SEMA5A: variants seen among roughly 807,000 people sequenced by gnomAD.
SEMA5A encodes the protein semaphorin 5A.
In SEMA5A, 55 loss-of-function variants were observed where a neutral mutation model predicts 135.5. The ratio of observed to expected loss-of-function variants is 0.41; its 90% CI spans 0.33 to 0.51. SEMA5A has a LOEUF of 0.51. SEMA5A is among the 20% of genes least tolerant of loss of function. SEMA5A has a pLI of 0.37. For synonymous variants in SEMA5A, 580 were observed against 546.5 expected (o/e 1.06, Z -0.85); for missense variants, 1,290 against 1,419.9 (o/e 0.91, Z 1.47).
intron 16 of SEMA5A, among the ~76,000 whole-genome samples, chr5:9,077,452 C>T (rs557801590): frequency 6.6e-6 from 1 of 152,248 alleles, no homozygotes; most frequent in African/African-American, 2.4e-5. Context: ...GCAATAGAAA[C>T]GTTTTGAAAA....
At chr5:9,111,514 A>C (rs1299872890) in intron 15 of SEMA5A, among the ~76,000 whole-genome samples, 2 of 152,188 alleles carry the variant, frequency 1.3e-5, no homozygotes, top group African/African-American at 4.8e-5. Flanking sequence ...CCGTGCATGG[A>C]ACTTTCAGCC....
At chr5:9,324,389 A>G (rs1380026187) in intron 4 of SEMA5A, among the ~76,000 whole-genome samples, 2 of 152,222 alleles carry the variant, frequency 1.3e-5, no homozygotes, top group African/African-American at 2.4e-5. Context: ...TTAAAAGGTG[A>G]ACCATAAGTA....
At chr5:9,183,217 CAGAA>C (rs1180526922) in intron 11 of SEMA5A, among the ~76,000 whole-genome samples, 1 of 152,126 alleles carries the variant, frequency 6.6e-6, no homozygotes, top group East Asian at 1.9e-4. Context: ...TATGATGAAA[CAGAA>C]AGAGACATCT....
At chr5:9,476,030 G>T (rs1759655719) in intron 1 of SEMA5A, among the ~76,000 whole-genome samples, 1 of 152,094 alleles carries the variant, frequency 6.6e-6, no homozygotes, top group African/African-American at 2.4e-5. Flanking sequence ...GGCTATACAT[G>T]CTGTTTAACA....
intron 12 of SEMA5A, among the ~76,000 whole-genome samples, chr5:9,151,952 C>T (rs1160628636): frequency 6.6e-6 from 1 of 152,234 alleles, no homozygotes; most frequent in Non-Finnish European, 1.5e-5. Flanking sequence ...GGCCTCTGTG[C>T]CTGGAGCACC....
intron 1 of SEMA5A, among the ~76,000 whole-genome samples, chr5:9,542,774 G>A (rs1738163378): frequency 6.6e-6 from 1 of 152,170 alleles, no homozygotes; most frequent in African/African-American, 2.4e-5. Context: ...TGGATTCCTT[G>A]ACTGGGATAT....
chr5:9,543,553 C>T (rs1303113138), intron 1 of SEMA5A, among the ~76,000 whole-genome samples: 7 of 152,172 alleles, frequency 4.6e-5, no homozygotes, highest in African/African-American at 1.7e-4. Context: ...GACATTATAA[C>T]AACCAAATGA....
intron 11 of SEMA5A, among the ~76,000 whole-genome samples, chr5:9,160,970 C>G (rs1309980819): frequency 6.6e-6 from 1 of 152,060 alleles, no homozygotes; most frequent in African/African-American, 2.4e-5. Context: ...AGAAATTACC[C>G]CCAAAGAATT....
chr5:9,440,782 C>T (rs1324049401), intron 1 of SEMA5A, among the ~76,000 whole-genome samples: 2 of 152,220 alleles, frequency 1.3e-5, no homozygotes, highest in Non-Finnish European at 2.9e-5. Flanking sequence ...AAGATGTAGA[C>T]TTAAGCATTA....
intron 5 of SEMA5A, among the ~76,000 whole-genome samples, chr5:9,241,872 C>T (rs1752708618): frequency 6.6e-6 from 1 of 152,076 alleles, no homozygotes; most frequent in African/African-American, 2.4e-5. Flanking sequence ...TAGATAGGGA[C>T]CAGCAAAGGC....
At chr5:9,170,797 G>C (rs534089048) in intron 11 of SEMA5A, among the ~76,000 whole-genome samples, 1 of 152,176 alleles carries the variant, frequency 6.6e-6, no homozygotes, top group East Asian at 1.9e-4. Flanking sequence ...GTCGACAGTA[G>C]TTTTTTATAG....
chr5:9,545,916 G>A lies in SEMA5A; in HGVS notation c.-507C>T, dbSNP rs1738367746. The A allele has an allele frequency of 6.6e-6, 1 of 152,520 alleles. No homozygotes were observed. The highest frequency in any genetic ancestry group is 1.5e-5 in the Non-Finnish European group (1 of 68,244). 9.4% of individuals were successfully genotyped at this position (152,520 alleles called of 1,614,324 possible). On this transcript the variant is annotated 5_prime_UTR_variant, in exon 1 of 23. Transcript: ENST00000382496. The surrounding 1 kb of genome is among the most constrained non-coding windows in gnomAD (Gnocchi z 4.5). The stretch of plus-strand genomic sequence containing the variant: ...GAGCGTCCCGGGATGAGCGACACTG[G>A]CCGGGCCGCCCCTGCACGGGGAAGG...
intron 2 of SEMA5A, among the ~76,000 whole-genome samples, chr5:9,386,106 T>C (rs745524261): frequency 2.0e-5 from 3 of 152,164 alleles, no homozygotes; most frequent in Non-Finnish European, 4.4e-5. Flanking sequence ...AGCTGGAACG[T>C]GCTTTTCAAA....
intron 1 of SEMA5A, among the ~76,000 whole-genome samples, chr5:9,455,737 C>T (rs552967121): frequency 1.3e-5 from 2 of 152,214 alleles, no homozygotes; most frequent in South Asian, 4.1e-4. Context: ...CTCTAAAATT[C>T]CCCCAATCTC....
chr5:9,224,531 A>C (rs1386208973), intron 8 of SEMA5A, 143 bp downstream of exon 8: 4 of 704,136 alleles, frequency 5.7e-6, no homozygotes, highest in Non-Finnish European at 7.3e-6. Flanking sequence ...GTTTATCATT[A>C]GTCCTGAACA....
chr5:9,284,828 A>T (rs1750714685), intron 5 of SEMA5A, among the ~76,000 whole-genome samples: 1 of 152,210 alleles, frequency 6.6e-6, no homozygotes, highest in Admixed American at 6.5e-5. Flanking sequence ...CCTTGTGATA[A>T]TGTAGCACAC....
Position 9,313,490 on chromosome 5 carries a change from G to A in SEMA5A, c.270+4882C>T, listed in dbSNP as rs569355552. ...GTTTAAAAAGGTTAGGGAAGAGTAA[G>A]CATATTAAATACTAAGGGACAGAAA... On this transcript the variant is annotated intron_variant, in intron 5 of 22. Transcript: ENST00000382496. Among the ~76,000 whole-genome samples the A allele has an allele frequency of 2.4e-4, 36 of 152,236 alleles. 1 individual carries two copies. The highest frequency in any genetic ancestry group is 1.7e-3 in the South Asian group (8 of 4,828).
At position 9,545,158 on chromosome 5, in the gene SEMA5A, C is replaced by T. The variant is rs867415208; in HGVS notation, c.-175+426G>A. 1.2e-4 allele frequency among the ~76,000 whole-genome samples: 18 copies of T among 152,122 alleles called. No individual in the cohort carries two copies. The highest frequency in any genetic ancestry group is 4.3e-4 in the African/African-American group (18 of 41,448). On this transcript the variant is annotated intron_variant, in intron 1 of 22. Transcript: ENST00000382496. The surrounding 1 kb of genome is among the most constrained non-coding windows in gnomAD (Gnocchi z 4.5). ...CCGGTGGGGCTGCGAGGTGGCCGCT[C>T]CCGAACCGCCAAGTCCCGACCTCCG...
chr5:9,263,272 C>G (rs1425450937), intron 5 of SEMA5A, among the ~76,000 whole-genome samples: 1 of 152,166 alleles, frequency 6.6e-6, no homozygotes, highest in Admixed American at 6.5e-5. Context: ...ACGGACTGGT[C>G]CTGGTCCATG....
Sources: gnomAD v4.1 joint callset for allele counts (sites outside exome capture counted in the v4.1 genomes callset) on GRCh38, gnomAD v4.1.1 for gene constraint, Gnocchi (gnomAD v3.1) non-coding constraint, MANE v1.5 for transcripts, NCBI Gene and HGNC (gene_info 2026-07-23, HGNC 2026-07-21) for gene names.